The following PARG variants were observed in gnomAD, a reference collection of about 807,000 sequenced individuals.
PARG encodes poly(ADP-ribose) glycohydrolase, also known as mitochondrial poly(ADP-ribose) glycohydrolase.
A neutral mutation model predicts 113.0 loss-of-function variants in PARG; 35 were observed. That is an observed-to-expected ratio of 0.31 (90% CI 0.24 to 0.41). The LOEUF (loss-of-function observed/expected upper bound fraction) is 0.41. Among genes scored for constraint, PARG ranks in the 10% least tolerant of loss-of-function variants. PARG has a pLI of 1.00. For synonymous variants in PARG, 330 were observed against 409.9 expected (o/e 0.81, Z 2.36); for missense variants, 797 against 1,169.4 (o/e 0.68, Z 4.64).
At chr10:49,881,534 A>G (rs2664516) in intron 8 of PARG, among the ~76,000 whole-genome samples, 2 of 152,214 alleles carry the variant, frequency 1.3e-5, no homozygotes, top group African/African-American at 4.8e-5. Context: ...TAAGAGTTTC[A>G]GGTAACTGCA....
chr10:49,874,282 G>A (rs1397222453), intron 9 of PARG, among the ~76,000 whole-genome samples: 1 of 151,888 alleles, frequency 6.6e-6, no homozygotes, highest in Non-Finnish European at 1.5e-5. Flanking sequence ...AGGTACTTGC[G>A]CTAAAATAAG....
At chr10:49,895,798 G>A (rs181939167) in intron 7 of PARG, among the ~76,000 whole-genome samples, 1 of 152,092 alleles carries the variant, frequency 6.6e-6, no homozygotes, top group African/African-American at 2.4e-5. Context: ...TCTCAGCAAT[G>A]TTTTACGGTC....
intron 7 of PARG, among the ~76,000 whole-genome samples, chr10:49,885,544 G>GTTA (rs1460158042): frequency 6.6e-6 from 1 of 152,070 alleles, no homozygotes; most frequent in African/African-American, 2.4e-5. Context: ...GAAAAAAAAT[G>GTTA]TAAGTATCCC....
intron 16 of PARG, among the ~76,000 whole-genome samples, chr10:49,822,244 A>G (rs1032387316): frequency 2.6e-5 from 4 of 151,446 alleles, no homozygotes; most frequent in Admixed American, 6.6e-5. Context: ...GTGTGTGTGT[A>G]TGTGTGTGTA....
At chr10:49,878,460 A>T (rs1293001491) in intron 9 of PARG, among the ~76,000 whole-genome samples, 1 of 150,556 alleles carries the variant, frequency 6.6e-6, no homozygotes, top group Non-Finnish European at 1.5e-5. Context: ...TCTACTAAAA[A>T]TACAAAAATT....
chr10:49,906,143 G>T (rs1470002696), intron 7 of PARG, among the ~76,000 whole-genome samples: 1 of 122,036 alleles, frequency 8.2e-6, no homozygotes, highest in Non-Finnish European at 1.9e-5. Context: ...TGATGCTGCC[G>T]CTTTTTTTTT....
intron 16 of PARG, among the ~76,000 whole-genome samples, chr10:49,822,563 T>C (rs1253122879): frequency 2.6e-5 from 4 of 151,644 alleles, no homozygotes; most frequent in Non-Finnish European, 5.9e-5. Context: ...GTGGTTGGGG[T>C]GTTAGAATAG....
intron 14 of PARG, 118 bp from the exon 15 acceptor site, chr10:49,842,176 T>C (rs1845275790): frequency 1.5e-6 from 1 of 685,104 alleles, no homozygotes; most frequent in African/African-American, 1.8e-5. Context: ...AACAAACCAG[T>C]GTCTGCAGGT....
rs543464682 is a variant in PARG, at chr10:49,849,100, C to G, written c.2354-5468G>C. 6.6e-5 allele frequency among the ~76,000 whole-genome samples: 10 copies of G among 152,156 alleles called. No individual in the cohort carries two copies. The East Asian group carries it at 1.9e-3, about 30-fold the overall frequency. ...ATCCCAGCTACTAGGGAGGCTGAGG[C>G]AGGAGAATCGCTTGAACCTGGGAGG... On this transcript the variant is annotated intron_variant, in intron 13 of 17. Transcript: ENST00000616448.
chr10:49,828,070 G>C (rs1158745545), intron 16 of PARG, among the ~76,000 whole-genome samples: 1 of 100,172 alleles, frequency 1.0e-5, no homozygotes, highest in Non-Finnish European at 1.8e-5. Flanking sequence ...TCTCTGCTGA[G>C]ACGAGATGTA....
chr10:49,853,930 G>A (rs1448998844), intron 13 of PARG, among the ~76,000 whole-genome samples: 1 of 151,764 alleles, frequency 6.6e-6, no homozygotes, highest in Non-Finnish European at 1.5e-5. Context: ...GTAAAAAATG[G>A]TGCAGTAAAA....
chr10:49,829,683 C>T (rs1443342743), intron 16 of PARG, among the ~76,000 whole-genome samples: 2 of 152,034 alleles, frequency 1.3e-5, no homozygotes, highest in African/African-American at 4.8e-5. Flanking sequence ...GACTATCACC[C>T]ACTAGAGAAC....
Position 49,934,052 on chromosome 10 carries a change from T to G in PARG, c.396A>C (p.Leu132=). The change falls in exon 3 of 18, where the codon CTA becomes CTC. Residue 132 remains leucine, a synonymous_variant. Coordinates refer to ENST00000616448, the MANE Select transcript of PARG (RefSeq NM_003631.5). ...NVEKLENVSQ[L]SLDKSPTEKS... is the part of the protein sequence containing the mutation. ...TTTCAGTGGGTGACTTATCAAGACTTAGCTGAGAAACATTTTCTAATTTTT... is the reference window on the plus strand; with the variant it reads ...TTTCAGTGGGTGACTTATCAAGACTGAGCTGAGAAACATTTTCTAATTTTT... The G allele has an allele frequency of 6.2e-7, 1 of 1,601,606 alleles. No homozygotes were observed. Among genetic ancestry groups the G allele is most frequent in the Non-Finnish European group, 8.6e-7 (1 of 1,168,542 alleles).
chr10:49,927,182 C>T (rs1477854773), intron 4 of PARG, among the ~76,000 whole-genome samples: 3 of 151,912 alleles, frequency 2.0e-5, no homozygotes, highest in African/African-American at 7.3e-5. Context: ...TGCCGCGCGT[C>T]GGTAGTCCCA....
chr10:49,900,906 C>T (rs1554843688), intron 7 of PARG, among the ~76,000 whole-genome samples: 2 of 152,170 alleles, frequency 1.3e-5, no homozygotes, highest in African/African-American at 4.8e-5. Flanking sequence ...TCTTTATAGA[C>T]AGGCAGTAAA....
chr10:49,916,689 G>A (rs1315904093), intron 6 of PARG, among the ~76,000 whole-genome samples: 248 of 151,274 alleles, frequency 1.6e-3, no homozygotes, highest in East Asian at 7.3e-3. Context: ...TATGCATAAG[G>A]CAATCCACTA....
intron 11 of PARG, among the ~76,000 whole-genome samples, chr10:49,861,953 A>T (rs1165437638): frequency 1.1e-4 from 17 of 152,000 alleles, no homozygotes; most frequent in African/African-American, 1.5e-4. Context: ...ACAAAATATT[A>T]AAAAAATTAA....
chr10:49,901,402 C>T (rs1848342425), intron 7 of PARG, among the ~76,000 whole-genome samples: 2 of 150,052 alleles, frequency 1.3e-5, no homozygotes, highest in South Asian at 4.3e-4. Context: ...GCACGAACCA[C>T]CACACCCAGA....
At chr10:49,891,590 C>CATATATATATATATATATATATAT (rs1211471476) in intron 7 of PARG, among the ~76,000 whole-genome samples, 3 of 48,616 alleles carry the variant, frequency 6.2e-5, no homozygotes, top group African/African-American at 1.2e-4. Flanking sequence ...TCCTATGGTC[C>CATATATATATATATATATATATAT]ATATATATAT....
Sources: gnomAD v4.1 joint callset for allele counts (sites outside exome capture counted in the v4.1 genomes callset) on GRCh38, gnomAD v4.1.1 for gene constraint, MANE v1.5 for transcripts, NCBI Gene and HGNC (gene_info 2026-07-23, HGNC 2026-07-21) for gene names.